ABCB8: variants seen among roughly 807,000 people sequenced by gnomAD.
ABCB8 encodes the protein mitochondrial potassium channel ATP-binding subunit.
A neutral mutation model predicts 73.0 loss-of-function variants in ABCB8; 52 were observed. That is an observed-to-expected ratio of 0.71 (90% confidence interval 0.57 to 0.90). The LOEUF is 0.90. Among genes scored for constraint, ABCB8 ranks in the 40% least tolerant of loss-of-function variants. ABCB8 has a pLI of 0.00. For missense variants in ABCB8, 909 were observed against 974.6 expected, an observed-to-expected ratio of 0.93 and a Z score of 0.90; for synonymous variants, 428 against 423.5, an observed-to-expected ratio of 1.01 and a Z score of -0.13.
At position 151,034,223 on chromosome 7, in the gene ABCB8, G is replaced by A. The variant is rs1755922178; in HGVS notation, c.409-50G>A. 5 of 1,549,354 alleles carry A rather than the reference G, an allele frequency of 3.2e-6. No homozygotes were observed. The South Asian group carries it at 4.8e-5, about 15-fold the overall frequency. On this transcript the variant is annotated intron_variant, in intron 2 of 15. Coordinates refer to ENST00000358849, the MANE Select transcript of ABCB8 (RefSeq NM_007188.5). ...CCAAGATCTGGCTGGGGATGGGGAG[G>A]AGTGGCTCCCCCACTTAAAACATTT...
intron 2 of ABCB8, 42 bp downstream of exon 2, chr7:151,033,959 A>T: frequency 1.3e-6 from 2 of 1,526,956 alleles, no homozygotes; most frequent in Non-Finnish European, 1.8e-6. Context: ...ACAGGGCAGG[A>T]CCCAGAGCTG....
intron 9 of ABCB8, 96 bp from the exon 10 acceptor site, chr7:151,040,172 C>T: frequency 2.1e-6 from 3 of 1,461,496 alleles, no homozygotes; most frequent in Non-Finnish European, 1.9e-6. Context: ...CACAGGCCAC[C>T]TGCTTCCTTG....
rs1140981 is a variant in ABCB8, at chr7:151,041,220, C to T, written c.1605C>T (p.Gly535=). 153 of 1,601,356 alleles carry T rather than the reference C, an allele frequency of 9.6e-5. No individual in the cohort carries two copies. In the East Asian group the frequency reaches 3.3e-3, roughly 35 times the overall value. Residue 535 remains glycine (G), a synonymous_variant, in exon 13 of 16, where the codon GGC becomes GGT. Coordinates refer to ENST00000358849, the MANE Select transcript of ABCB8 (RefSeq NM_007188.5). ...CCTGGCTCCGGGGCCAGGTTGTCGG[C>T]TTCATCAGCCAGGTGCGGGGCCACA... The part of the protein sequence containing the change: ...DPSWLRGQVV[G]FISQEPVLFG...
intron 13 of ABCB8, 90 bp downstream of exon 13, chr7:151,041,322 TC>T: frequency 6.9e-7 from 1 of 1,441,928 alleles, no homozygotes; most frequent in Non-Finnish European, 9.1e-7. Context: ...TTTCTTTCTT[TC>T]CCACCCTCAT....
rs778422625 is a variant in ABCB8 at position 151,035,937 on chromosome 7, G to A, written c.983G>A (p.Arg328His). 5 of 1,613,746 alleles carry A rather than the reference G, an allele frequency of 3.1e-6. No homozygotes were observed. The highest frequency in any genetic ancestry group is 2.2e-5 in the East Asian group (1 of 44,898). ...DEALGNVRTVRAFAMEQREEE... is the reference protein window; with the variant it reads ...DEALGNVRTVHAFAMEQREEE... ...GCCCTGGGCAATGTGCGGACTGTGC[G>A]TGCCTTCGCCATGGAGCAACGGGAA... The change falls in exon 7 of 16, where the codon CGT becomes CAT. Residue 328 changes from arginine (R) to histidine (H), a missense_variant. Coordinates refer to ENST00000358849, the MANE Select transcript of ABCB8 (RefSeq NM_007188.5).
In ABCB8 at chr7:151,045,396, C is replaced by A; in HGVS notation, c.*47C>A. 2 of 1,449,526 alleles carry A rather than the reference C, an allele frequency of 1.4e-6. No homozygotes were observed. The highest frequency in any genetic ancestry group is 9.1e-7 in the Non-Finnish European group (1 of 1,096,996). The allele number at this position is 1,449,526 out of a possible 1,614,324, so 89.8% of individuals were successfully genotyped here. On this transcript the variant is annotated 3_prime_UTR_variant, in exon 16 of 16. Transcript: ENST00000358849. ...TCGCTGCCAAGCATCAGTGTTAGGGCTGGGGCTCAGCCTGGGGGAGCCTAC... is the reference window on the plus strand; with the variant it reads ...TCGCTGCCAAGCATCAGTGTTAGGGATGGGGCTCAGCCTGGGGGAGCCTAC...
chr7:151,044,486 G>T (rs1207974426), intron 15 of ABCB8, among the ~76,000 whole-genome samples: 1 of 152,112 alleles, frequency 6.6e-6, no homozygotes, highest in East Asian at 1.9e-4. Context: ...AGTACTAGCC[G>T]GGTGCCTGTA....
rs1332766838 is a variant in ABCB8, at chr7:151,033,893, G to C, written c.384G>C (p.Leu128=). The change falls in exon 2 of 16, where the codon CTG becomes CTC. Residue 128 remains leucine (L), a synonymous_variant. Coordinates refer to ENST00000358849, the MANE Select transcript of ABCB8 (RefSeq NM_007188.5). ...KLFWQFLHPH[L]LVLGVAVVLA... ...TCTGGCAGTTTCTGCACCCCCACCT[G>C]CTGGTCCTGGGGGTAGCCGTCGTGG... The C allele has an allele frequency of 1.2e-6, 2 of 1,606,076 alleles. No individual in the cohort carries two copies. The highest frequency in any genetic ancestry group is 8.5e-7 in the Non-Finnish European group (1 of 1,175,016).
chr7:151,034,699 CTTATTGG>C lies in ABCB8; in HGVS notation c.660-22_660-16del, dbSNP rs751416013. ...AGTAATGTCTCCCTCTTCTGCCCTC[CTTATTGG>C]TTCTTGTCCCATGCCAGACAAGACA... On this transcript the variant is annotated intron_variant, in intron 4 of 15. Transcript: ENST00000358849. 3.7e-6 allele frequency: 6 copies of C among 1,612,186 alleles called. No homozygotes were observed. In the East Asian group the frequency reaches 6.7e-5, roughly 18 times the overall value.
Position 151,034,286 on chromosome 7 carries a change from C to T in ABCB8, c.422C>T (p.Ala141Val), listed in dbSNP as rs760434870. 1.5e-5 allele frequency: 24 copies of T among 1,612,142 alleles called. No homozygotes were observed. Among genetic ancestry groups the T allele is most frequent in the East Asian group, 8.9e-5 (4 of 44,882 alleles). The change falls in exon 3 of 16, where the codon GCG (alanine) becomes GTG (valine). Residue 141 changes from alanine (A) to valine (V), a missense_variant. Transcript: ENST00000358849. ...TCCCCATTCCAGCTGGCCTTGGGTG[C>T]GGCACTCGTGAATGTACAGATCCCC... is the stretch of plus-strand genomic sequence containing the variant. Reference protein sequence around the residue: ...LGVAVVLALGAALVNVQIPLL... With the variant: ...LGVAVVLALGVALVNVQIPLL...
intron 13 of ABCB8, 83 bp from the exon 14 acceptor site, chr7:151,041,878 C>T (rs1796476032): frequency 6.7e-7 from 1 of 1,487,504 alleles, no homozygotes; most frequent in East Asian, 2.3e-5. Context: ...ATAGACTGTC[C>T]CATTGTGTAT....
Position 151,044,040 on chromosome 7 carries a change from A to G in ABCB8, c.1835A>G (p.Gln612Arg). The G allele has an allele frequency of 6.2e-7, 1 of 1,613,396 alleles. No homozygotes were observed. The highest frequency in any genetic ancestry group is 8.5e-7 in the Non-Finnish European group (1 of 1,179,898). ...RLAIARALIK[Q>R]PTVLILDEAT... ...GCCATCGCCCGAGCCCTTATCAAGCAGCCCACGGTGCTGATACTGGATGAA... is the reference window on the plus strand; with the variant it reads ...GCCATCGCCCGAGCCCTTATCAAGCGGCCCACGGTGCTGATACTGGATGAA... The change falls in exon 15 of 16, where the codon CAG (glutamine) becomes CGG (arginine). Residue 612 changes from glutamine (Q) to arginine (R), a missense_variant. Coordinates refer to ENST00000358849, the MANE Select transcript of ABCB8 (RefSeq NM_007188.5).
chr7:151,034,853 C>T, intron 5 of ABCB8, 24 bp downstream of exon 5: 1 of 1,578,346 alleles, frequency 6.3e-7, no homozygotes, highest in Non-Finnish European at 8.7e-7. Flanking sequence ...TGGCCCCCAC[C>T]ACGTCCACAC....
chr7:151,032,069 G>T (rs776301831), intron 1 of ABCB8, among the ~76,000 whole-genome samples: 5 of 152,086 alleles, frequency 3.3e-5, no homozygotes, highest in Non-Finnish European at 7.4e-5. Flanking sequence ...TGTAGGTCAG[G>T]CTTCAGCCAT....
chr7:151,045,290 A>T lies in ABCB8; in HGVS notation c.2098A>T (p.Thr700Ser), dbSNP rs1456460891. 5 of 1,603,296 alleles carry T rather than the reference A, an allele frequency of 3.1e-6. No individual in the cohort carries two copies. In the South Asian group the frequency reaches 5.6e-5, roughly 18 times the overall value. ...GAGGCAGGCCCTGGATGCCCCGAGG[A>T]CAGCGGCCCCACCGCCCAAAAAGCC... ...IRRQALDAPRTAAPPPKKPEG... is the reference protein window; with the variant it reads ...IRRQALDAPRSAAPPPKKPEG... The change falls in exon 16 of 16, where the codon ACA (threonine) becomes TCA (serine). Residue 700 changes from threonine to serine, a missense_variant. Coordinates refer to ENST00000358849, the MANE Select transcript of ABCB8 (RefSeq NM_007188.5).
rs1796622179 is a variant in ABCB8, at chr7:151,046,693, C to T, written c.*1344C>T. ...GCCAGGCAAGCATTCTGGATTTACC[C>T]TGTGTAAAGAAGGGTGGTACCCTCT... is the stretch of plus-strand genomic sequence containing the variant. On this transcript the variant is annotated 3_prime_UTR_variant, in exon 16 of 16. Coordinates refer to ENST00000358849, the MANE Select transcript of ABCB8 (RefSeq NM_007188.5). 5 of 152,272 alleles carry T rather than the reference C, an allele frequency of 3.3e-5. No individual in the cohort carries two copies. The highest frequency in any genetic ancestry group is 2.6e-4 in the Admixed American group (4 of 15,288). 9.4% of individuals were successfully genotyped at this position (152,272 alleles called of 1,614,324 possible).
rs971692300 is a variant in ABCB8, at chr7:151,045,428, C to T, written c.*79C>T. 4.1e-5 allele frequency: 57 copies of T among 1,376,574 alleles called. No homozygotes were observed. Among genetic ancestry groups the T allele is most frequent in the Non-Finnish European group, 1.6e-5 (17 of 1,058,684 alleles). 85.3% of individuals were successfully genotyped at this position (1,376,574 alleles called of 1,614,324 possible). A position where few individuals can be genotyped will look rare whatever the true frequency, so the allele number is the denominator to read the frequency against. ...TCAGCCTGGGGGAGCCTACTGGGGACTGAGCCCCCAGGAGGGCCAGCATGT... is the reference window on the plus strand; with the variant it reads ...TCAGCCTGGGGGAGCCTACTGGGGATTGAGCCCCCAGGAGGGCCAGCATGT... On this transcript the variant is annotated 3_prime_UTR_variant, in exon 16 of 16. Transcript: ENST00000358849.
At chr7:151,031,135 C>G in intron 1 of ABCB8, 2 of 730,798 alleles carry the variant, frequency 2.7e-6, no homozygotes. Flanking sequence ...TCCTGCACCT[C>G]TAATGAGGGC....
intron 13 of ABCB8, among the ~76,000 whole-genome samples, chr7:151,041,513 T>C (rs960913931): frequency 6.6e-5 from 10 of 152,190 alleles, no homozygotes; most frequent in African/African-American, 1.9e-4. Flanking sequence ...GCAAATCCCA[T>C]AGCATCCAGG....
Sources: allele counts gnomAD v4.1 joint callset (sites outside exome capture counted in the v4.1 genomes callset), GRCh38; gene constraint gnomAD v4.1.1; transcripts MANE v1.5; gene names NCBI Gene and HGNC (gene_info 2026-07-23, HGNC 2026-07-21).